Variants in RBFOX1 observed in about 807,000 individuals in gnomAD.
RBFOX1 encodes the protein RNA binding fox-1 homolog 1, also known as RNA binding protein fox-1 homolog 1.
A neutral mutation model predicts 57.7 loss-of-function variants in RBFOX1; 8 were observed. That is an observed-to-expected ratio of 0.14 (90% CI 0.08 to 0.25). The LOEUF (loss-of-function observed/expected upper bound fraction) is 0.25, where lower values mean the gene tolerates loss of function less well. Among genes scored for constraint, RBFOX1 ranks in the 10% least tolerant of loss-of-function variants. The pLI is 1.00. For missense variants in RBFOX1, 611 were observed against 548.5 expected (o/e 1.11, Z -1.14); for synonymous variants, 326 against 222.4 (o/e 1.47, Z -4.15).
chr16:7,477,570 C>T (rs761887437), intron 4 of RBFOX1, among the ~76,000 whole-genome samples: 3 of 152,120 alleles, frequency 2.0e-5, no homozygotes, highest in African/African-American at 7.2e-5. Flanking sequence ...TGACAGATTC[C>T]GGCTGGCTCC....
chr16:6,610,118 T>G (rs1194352234), intron 2 of RBFOX1, among the ~76,000 whole-genome samples: 2 of 152,112 alleles, frequency 1.3e-5, no homozygotes, highest in Non-Finnish European at 2.9e-5. Context: ...TAGATGACAT[T>G]CAAAGTGTGT....
chr16:7,285,718 C>T (rs1356422339), intron 4 of RBFOX1, among the ~76,000 whole-genome samples: 2 of 152,140 alleles, frequency 1.3e-5, no homozygotes, highest in Admixed American at 1.3e-4. Flanking sequence ...ATAACTTATT[C>T]CTTTTCATTG....
chr16:7,330,742 C>A (rs1568241843), intron 4 of RBFOX1, among the ~76,000 whole-genome samples: 1 of 151,680 alleles, frequency 6.6e-6, no homozygotes, highest in Non-Finnish European at 1.5e-5. Flanking sequence ...GCCTTCTGGT[C>A]CAGTGGTCTT....
chr16:7,441,748 GCACCTGCA>G (rs2098768989), intron 4 of RBFOX1, among the ~76,000 whole-genome samples: 2 of 152,162 alleles, frequency 1.3e-5, no homozygotes. Flanking sequence ...GAGCTCTGTA[GCACCTGCA>G]CACCTCAGTG....
chr16:7,379,912 G>A (rs948559982), intron 4 of RBFOX1, among the ~76,000 whole-genome samples: 2 of 151,838 alleles, frequency 1.3e-5, no homozygotes, highest in African/African-American at 2.4e-5. Flanking sequence ...AGGTGCAATG[G>A]CACCATCATA....
At chr16:5,688,361 C>G (rs1430979525) in intron 3 of RBFOX1, among the ~76,000 whole-genome samples, 1 of 152,220 alleles carries the variant, frequency 6.6e-6, no homozygotes, top group African/African-American at 2.4e-5. Flanking sequence ...GCCATTTTGA[C>G]TTACAGGCTA....
At chr16:5,980,978 C>G (rs963881594) in intron 4 of RBFOX1, among the ~76,000 whole-genome samples, 1 of 152,138 alleles carries the variant, frequency 6.6e-6, no homozygotes, top group Non-Finnish European at 1.5e-5. Context: ...AGTCAGAGTG[C>G]GATCTGCAGA....
At chr16:7,280,557 G>A (rs1173215865) in intron 4 of RBFOX1, among the ~76,000 whole-genome samples, 1 of 152,166 alleles carries the variant, frequency 6.6e-6, no homozygotes, top group Non-Finnish European at 1.5e-5. Context: ...GACCACTAGG[G>A]CTGTAGTCCA....
At chr16:6,696,898 A>T (rs1171455806) in intron 3 of RBFOX1, among the ~76,000 whole-genome samples, 3 of 152,220 alleles carry the variant, frequency 2.0e-5, no homozygotes, top group African/African-American at 4.8e-5. Context: ...TAAGAAATGG[A>T]GATTGCTGTC....
chr16:5,398,287 ATGTGTGCTTATG>A (rs1200926340), intron 1 of RBFOX1, among the ~76,000 whole-genome samples: 32 of 151,658 alleles, frequency 2.1e-4, no homozygotes, highest in African/African-American at 7.3e-4. Flanking sequence ...GTGTGTGTGC[ATGTGTGCTTATG>A]TGTGTGTGCA....
rs2095839011 is a variant in RBFOX1, at chr16:6,071,615, A to G, written c.-127+51623A>G. On this transcript the variant is annotated intron_variant, in intron 1 of 15. Coordinates refer to ENST00000550418, the MANE Select transcript of RBFOX1 (RefSeq NM_018723.4). ...GAGTGAAAAATTGATAAACTTAAAAATCGATTAACACATTTTAAGGGCATA... is the reference window on the plus strand; with the variant it reads ...GAGTGAAAAATTGATAAACTTAAAAGTCGATTAACACATTTTAAGGGCATA... Among the ~76,000 whole-genome samples, 4 of 152,206 alleles carry G rather than the reference A, an allele frequency of 2.6e-5. No homozygotes were observed. In the South Asian group the frequency reaches 8.3e-4, roughly 31 times the overall value.
chr16:5,672,737 G>T (rs976198271), intron 3 of RBFOX1, among the ~76,000 whole-genome samples: 2 of 151,944 alleles, frequency 1.3e-5, no homozygotes, highest in Admixed American at 6.6e-5. Flanking sequence ...TTTAGCGGTT[G>T]TTGGTTTGCC....
chr16:7,180,581 C>G (rs1050877238), intron 4 of RBFOX1, among the ~76,000 whole-genome samples: 6 of 152,046 alleles, frequency 3.9e-5, no homozygotes, highest in African/African-American at 1.2e-4. Flanking sequence ...GATAGTAACA[C>G]TGTTTTCTTC....
chr16:7,441,248 A>C (rs1392363333), intron 4 of RBFOX1, among the ~76,000 whole-genome samples: 1 of 152,192 alleles, frequency 6.6e-6, no homozygotes, highest in Non-Finnish European at 1.5e-5. Context: ...AAGGCTAGGA[A>C]TTTATGCTTT....
chr16:6,553,676 G>C (rs887412973), intron 2 of RBFOX1, among the ~76,000 whole-genome samples: 1 of 152,162 alleles, frequency 6.6e-6, no homozygotes, highest in African/African-American at 2.4e-5. Flanking sequence ...AAGAAAAGAA[G>C]ATTTGTTTTA....
intron 1 of RBFOX1, among the ~76,000 whole-genome samples, chr16:6,244,614 A>T (rs1017987515): frequency 2.6e-5 from 4 of 152,076 alleles, no homozygotes; most frequent in African/African-American, 9.7e-5. Flanking sequence ...AGTTCAAGCA[A>T]TTCTCCTGCC....
intron 1 of RBFOX1, among the ~76,000 whole-genome samples, chr16:6,072,412 T>C (rs375663788): frequency 2.6e-5 from 4 of 152,220 alleles, no homozygotes; most frequent in East Asian, 1.9e-4. Context: ...CAAAAAAACA[T>C]AGGAGTGCAG....
intron 4 of RBFOX1, among the ~76,000 whole-genome samples, chr16:5,978,696 G>GTT (rs1394477378): frequency 7.5e-5 from 11 of 147,640 alleles, no homozygotes; most frequent in Non-Finnish European, 1.5e-4. Context: ...TTTTGTTGTT[G>GTT]TTGTTTTTTT....
intron 3 of RBFOX1, among the ~76,000 whole-genome samples, chr16:6,697,686 C>T (rs982929504): frequency 3.9e-5 from 6 of 152,050 alleles, no homozygotes; most frequent in African/African-American, 1.2e-4. Flanking sequence ...AACCCCATGG[C>T]GAACAAATGA....
Sources: gnomAD v4.1 joint callset for allele counts (sites outside exome capture counted in the v4.1 genomes callset) on GRCh38, gnomAD v4.1.1 for gene constraint, MANE v1.5 for transcripts, NCBI Gene and HGNC (gene_info 2026-07-23, HGNC 2026-07-21) for gene names.